The following AGBL1 variants were observed in gnomAD, a reference collection of about 807,000 sequenced individuals.
The protein encoded by AGBL1 is AGBL carboxypeptidase 1.
Under a neutral mutation model 118.9 loss-of-function variants are expected in AGBL1, and 130 were observed. That is an observed-to-expected ratio of 1.09 (90% CI 0.95 to 1.26). AGBL1 has a LOEUF of 1.26. AGBL1 is among the 50% of genes most tolerant of loss of function. The pLI, the probability that AGBL1 is intolerant of heterozygous loss-of-function variation, is 0.00. For missense variants in AGBL1, 1,584 were observed against 1,298.1 expected, an observed-to-expected ratio of 1.22 and a Z score of -3.38; for synonymous variants, 555 against 478.9, an observed-to-expected ratio of 1.16 and a Z score of -2.08.
chr15:86,527,953 A>G (rs975886230), intron 19 of AGBL1, among the ~76,000 whole-genome samples: 20 of 152,254 alleles, frequency 1.3e-4, no homozygotes, highest in African/African-American at 4.8e-4. Context: ...TCATCCATCC[A>G]ACCACTTATC....
chr15:86,627,379 G>C (rs2084904227), intron 21 of AGBL1, among the ~76,000 whole-genome samples: 1 of 152,156 alleles, frequency 6.6e-6, no homozygotes, highest in South Asian at 2.1e-4. Context: ...CCAGAGGAGA[G>C]GTTAGTAAAA....
intron 17 of AGBL1, among the ~76,000 whole-genome samples, chr15:86,364,996 C>T (rs77629328): frequency 0.12 from 8,142 of 69,362 alleles, 729 homozygotes; most frequent in Non-Finnish European, 0.17. Context: ...TATACACACA[C>T]ACATATATAT....
chr15:86,433,968 T>C (rs1016485559), intron 18 of AGBL1, among the ~76,000 whole-genome samples: 1 of 152,220 alleles, frequency 6.6e-6, no homozygotes, highest in African/African-American at 2.4e-5. Flanking sequence ...CCTGACTATA[T>C]TCTACCATCC....
intron 15 of AGBL1, 52 bp downstream of exon 15, chr15:86,271,758 A>G (rs2079166197): frequency 1.3e-6 from 2 of 1,490,288 alleles, no homozygotes; most frequent in East Asian, 2.3e-5. Context: ...ATTTTCTCTC[A>G]ATTTCCCACT....
intron 17 of AGBL1, among the ~76,000 whole-genome samples, chr15:86,351,729 C>T (rs1428936767): frequency 1.3e-5 from 2 of 152,126 alleles, no homozygotes; most frequent in Admixed American, 6.5e-5. Flanking sequence ...AAATATATTT[C>T]TACATCTATT....
intron 1 of AGBL1, among the ~76,000 whole-genome samples, chr15:86,130,552 G>A (rs1472739297): frequency 6.6e-6 from 1 of 152,126 alleles, no homozygotes; most frequent in African/African-American, 2.4e-5. Flanking sequence ...CTCCAAGTCT[G>A]ATGTTTCTCT....
At chr15:86,087,288 G>GGAGC (rs1895721850) in intron 1 of AGBL1, among the ~76,000 whole-genome samples, 1 of 150,726 alleles carries the variant, frequency 6.6e-6, no homozygotes, top group Non-Finnish European at 1.5e-5. Context: ...CTGCAAGTCA[G>GGAGC]GAGCTATGCA....
chr15:86,201,303 T>C (rs2077903700), intron 5 of AGBL1, among the ~76,000 whole-genome samples: 1 of 152,212 alleles, frequency 6.6e-6, no homozygotes, highest in African/African-American at 2.4e-5. Context: ...CTCTGTACCC[T>C]TAAGAAGAAA....
rs547442978 is a variant in AGBL1 at position 86,688,357 on chromosome 15, G to A, written c.3158+13921G>A. On this transcript the variant is annotated intron_variant, in intron 22 of 22. Coordinates refer to ENST00000614907, the MANE Select transcript of AGBL1 (RefSeq NM_001386094.1). ...CAAGAAGGAACAGAGGTCAAGGTGAGAGAGGGAACTCTGAATGAATTCAGG... is the reference window on the plus strand; with the variant it reads ...CAAGAAGGAACAGAGGTCAAGGTGAAAGAGGGAACTCTGAATGAATTCAGG... Among the ~76,000 whole-genome samples, 9 of 152,234 alleles carry A rather than the reference G, an allele frequency of 5.9e-5. No individual in the cohort carries two copies. In the East Asian group the frequency reaches 1.7e-3, roughly 29 times the overall value.
intron 18 of AGBL1, among the ~76,000 whole-genome samples, chr15:86,490,812 A>G (rs541911078): frequency 8.7e-6 from 1 of 114,466 alleles, no homozygotes; most frequent in Non-Finnish European, 1.8e-5. Flanking sequence ...TAGAAATAAG[A>G]GAATGTGGAT....
intron 17 of AGBL1, among the ~76,000 whole-genome samples, chr15:86,375,976 C>T (rs1456603326): frequency 6.6e-6 from 1 of 152,210 alleles, no homozygotes; most frequent in Non-Finnish European, 1.5e-5. Flanking sequence ...GGCAGCCAAA[C>T]TGCTATGGAC....
In AGBL1 at chr15:86,606,594, G is replaced by A. The variant is rs1279176623; in HGVS notation, c.2994+52057G>A. Among the ~76,000 whole-genome samples, 3 of 152,156 alleles carry A rather than the reference G, an allele frequency of 2.0e-5. No individual in the cohort carries two copies. In the East Asian group the frequency reaches 5.8e-4, roughly 29 times the overall value. Reference sequence around the variant, plus strand: ...AAATGGTGTTTAGAGACAAGACACAGAACCAGACCCTACTCCTCCTCTCTT... The same window carrying A: ...AAATGGTGTTTAGAGACAAGACACAAAACCAGACCCTACTCCTCCTCTCTT... On this transcript the variant is annotated intron_variant, in intron 21 of 22. Transcript: ENST00000614907.
intron 22 of AGBL1, among the ~76,000 whole-genome samples, chr15:86,906,757 A>G (rs188631212): frequency 1.3e-5 from 2 of 152,292 alleles, no homozygotes; most frequent in East Asian, 1.9e-4. Flanking sequence ...AAATAGGGCT[A>G]AGAAATGTAT....
chr15:86,826,008 T>C (rs969188549), intron 22 of AGBL1, among the ~76,000 whole-genome samples: 3 of 147,940 alleles, frequency 2.0e-5, no homozygotes, highest in African/African-American at 7.5e-5. Flanking sequence ...GTACCTTTCA[T>C]TGAGTTCCCT....
chr15:86,940,135 C>G (rs972302165), intron 23 of AGBL1, among the ~76,000 whole-genome samples: 1 of 124,054 alleles, frequency 8.1e-6, no homozygotes, highest in African/African-American at 3.0e-5. Flanking sequence ...GCTCGAACTT[C>G]TATGCTCAAG....
At position 86,355,446 on chromosome 15, in the gene AGBL1, G is replaced by A. The variant is rs369835956; in HGVS notation, c.2375-41920G>A. ...TTTGATCATTTTAAACTTCTTCCAT[G>A]ATAAATTAAAAAAGAGATTCCATGT... On this transcript the variant is annotated intron_variant, in intron 17 of 22. Transcript: ENST00000614907. Among the ~76,000 whole-genome samples, 215 of 152,170 alleles carry A rather than the reference G, an allele frequency of 1.4e-3. 1 individual carries two copies. The highest frequency in any genetic ancestry group is 5.0e-3 in the African/African-American group (209 of 41,530).
chr15:86,756,620 G>C (rs958575154), intron 22 of AGBL1, among the ~76,000 whole-genome samples: 6 of 152,088 alleles, frequency 3.9e-5, no homozygotes, highest in African/African-American at 7.2e-5. Context: ...GGAGTTCTGA[G>C]GGTGAGAGAA....
intron 23 of AGBL1, among the ~76,000 whole-genome samples, chr15:86,934,518 CA>C (rs1203862608): frequency 7.7e-6 from 1 of 130,642 alleles, no homozygotes; most frequent in Non-Finnish European, 1.7e-5. Flanking sequence ...TTCTCCATTT[CA>C]AACCTTATAT....
intron 7 of AGBL1, among the ~76,000 whole-genome samples, chr15:86,249,123 T>C (rs1192392790): frequency 1.3e-5 from 2 of 152,210 alleles, no homozygotes; most frequent in Non-Finnish European, 2.9e-5. Flanking sequence ...TGAGGCTACA[T>C]ATGCCCTCCT....
Sources: gnomAD v4.1 joint callset for allele counts (sites outside exome capture counted in the v4.1 genomes callset) on GRCh38, gnomAD v4.1.1 for gene constraint, MANE v1.5 for transcripts, NCBI Gene and HGNC (gene_info 2026-07-23, HGNC 2026-07-21) for gene names.